Variants in EYS observed in about 807,000 individuals in gnomAD.
The protein encoded by EYS is protein eyes shut homolog.
Under a neutral mutation model 282.1 loss-of-function variants are expected in EYS, and 250 were observed. The ratio of observed to expected loss-of-function variants is 0.89; its 90% CI spans 0.80 to 0.98. The LOEUF (loss-of-function observed/expected upper bound fraction) is 0.98, where lower values mean the gene tolerates loss of function less well. Among genes scored for constraint, EYS ranks in the 50% least tolerant of loss-of-function variants. EYS has a pLI of 0.00. For missense variants in EYS, 4,016 were observed against 3,709.0 expected, an observed-to-expected ratio of 1.08 and a Z score of -2.15; for synonymous variants, 1,355 against 1,282.9, an observed-to-expected ratio of 1.06 and a Z score of -1.20.
chr6:65,004,050 T>C (rs1342363524), intron 13 of EYS, among the ~76,000 whole-genome samples: 1 of 147,348 alleles, frequency 6.8e-6, no homozygotes, highest in Non-Finnish European at 1.5e-5. Flanking sequence ...TTTTTAGGAA[T>C]ATAAATTTCA....
intron 12 of EYS, among the ~76,000 whole-genome samples, chr6:65,215,904 A>G (rs542502437): frequency 6.6e-5 from 10 of 152,326 alleles, no homozygotes; most frequent in African/African-American, 1.7e-4. Flanking sequence ...TAAGCTATAC[A>G]TACTGTTTTT....
chr6:65,020,523 T>C (rs534606700), intron 13 of EYS, among the ~76,000 whole-genome samples: 2 of 152,264 alleles, frequency 1.3e-5, no homozygotes, highest in African/African-American at 4.8e-5. Context: ...AGGGTACGGC[T>C]CTCGATCCTA....
intron 35 of EYS, among the ~76,000 whole-genome samples, chr6:63,967,890 T>A (rs968525417): frequency 2.0e-5 from 3 of 152,194 alleles, no homozygotes; most frequent in Non-Finnish European, 4.4e-5. Context: ...CTCGTATTGG[T>A]ATCTCCTCCC....
intron 12 of EYS, among the ~76,000 whole-genome samples, chr6:65,194,850 G>C (rs1765726906): frequency 7.1e-6 from 1 of 141,248 alleles, no homozygotes; most frequent in Non-Finnish European, 1.6e-5. Context: ...ATGTTTGCCA[G>C]TTGTTTTTTT....
chr6:64,260,184 T>C, intron 30 of EYS, among the ~76,000 whole-genome samples: 1 of 152,140 alleles, frequency 6.6e-6, no homozygotes, highest in East Asian at 1.9e-4. Flanking sequence ...TTTGCTGCAA[T>C]GCAGCTAGGA....
chr6:63,851,591 T>G (rs1407066952), intron 36 of EYS, among the ~76,000 whole-genome samples: 3 of 151,996 alleles, frequency 2.0e-5, no homozygotes, highest in African/African-American at 7.3e-5. Context: ...ATAAAGAAAT[T>G]AAGGCAGAAA....
At chr6:65,350,094 G>A (rs1770543728) in intron 9 of EYS, among the ~76,000 whole-genome samples, 1 of 151,260 alleles carries the variant, frequency 6.6e-6, no homozygotes, top group South Asian at 2.1e-4. Flanking sequence ...CTTACTATAA[G>A]TGATATGAAT....
intron 11 of EYS, among the ~76,000 whole-genome samples, chr6:65,317,714 C>T (rs111855875): frequency 0.014 from 2,080 of 151,750 alleles, 60 homozygotes; most frequent in African/African-American, 0.048. Context: ...CTGTTAAGCT[C>T]ACTCACTTGG....
intron 26 of EYS, among the ~76,000 whole-genome samples, chr6:64,489,153 A>G (rs1049137551): frequency 1.3e-5 from 2 of 150,834 alleles, no homozygotes; most frequent in Admixed American, 1.3e-4. Context: ...TTTTATGGAG[A>G]GATTTATTAG....
chr6:64,505,180 G>A lies in EYS; in HGVS notation c.5645-65828C>T, dbSNP rs998116087. Among the ~76,000 whole-genome samples, 4 of 152,094 alleles carry A rather than the reference G, an allele frequency of 2.6e-5. No individual in the cohort carries two copies. In the South Asian group the frequency reaches 8.3e-4, roughly 31 times the overall value. On this transcript the variant is annotated intron_variant, in intron 26 of 42. Transcript: ENST00000503581. ...ATATTTTACCATTGATTCCTCTTTT[G>A]GATATTGACATTCCCATAACTTTTT...
intron 26 of EYS, among the ~76,000 whole-genome samples, chr6:64,455,083 T>TTGTG (rs1265896770): frequency 6.6e-6 from 1 of 152,068 alleles, no homozygotes; most frequent in Non-Finnish European, 1.5e-5. Context: ...ATTTATTTAT[T>TTGTG]TGTGTGTGTG....
chr6:64,272,982 T>A (rs1767992317), intron 30 of EYS, among the ~76,000 whole-genome samples: 1 of 152,148 alleles, frequency 6.6e-6, no homozygotes. Context: ...TCCCTTAATG[T>A]TTTTGTATTT....
chr6:64,648,605 T>A (rs184303697), intron 22 of EYS, among the ~76,000 whole-genome samples: 3 of 152,190 alleles, frequency 2.0e-5, no homozygotes, highest in African/African-American at 7.2e-5. Context: ...ATAATCTGAG[T>A]CAAATCATGT....
At chr6:65,229,354 G>A (rs1766710264) in intron 12 of EYS, among the ~76,000 whole-genome samples, 2 of 152,034 alleles carry the variant, frequency 1.3e-5, no homozygotes, top group South Asian at 2.1e-4. Context: ...GAGATTTATA[G>A]GGAGACAGCA....
At chr6:65,216,309 A>G (rs1018982056) in intron 12 of EYS, among the ~76,000 whole-genome samples, 9 of 152,062 alleles carry the variant, frequency 5.9e-5, no homozygotes, top group African/African-American at 2.2e-4. Flanking sequence ...ACACGTCTAT[A>G]TGACTAATGT....
intron 22 of EYS, among the ~76,000 whole-genome samples, chr6:64,798,167 C>A (rs1199601290): frequency 6.6e-6 from 1 of 151,766 alleles, no homozygotes; most frequent in Non-Finnish European, 1.5e-5. Flanking sequence ...TAGTGTTTAA[C>A]TTGGAATGAT....
At chr6:64,708,622 GA>G (rs998900527) in intron 22 of EYS, among the ~76,000 whole-genome samples, 20 of 151,022 alleles carry the variant, frequency 1.3e-4, no homozygotes, top group South Asian at 1.3e-3. Flanking sequence ...AGCTATTTGG[GA>G]AAAAAAAAGT....
At chr6:65,632,139 A>G (rs1766936004) in intron 2 of EYS, among the ~76,000 whole-genome samples, 1 of 152,218 alleles carries the variant, frequency 6.6e-6, no homozygotes, top group South Asian at 2.1e-4. Flanking sequence ...TTCTATGGAC[A>G]GAACCAATAA....
chr6:64,577,396 C>G lies in EYS; in HGVS notation c.5644+12827G>C, dbSNP rs114195054. On this transcript the variant is annotated intron_variant, in intron 26 of 42. Coordinates refer to ENST00000503581, the MANE Select transcript of EYS (RefSeq NM_001142800.2). ...ATTTTATTTTATAGTTCTGTATTTT[C>G]TAATCATTACCTCTGCTCTCTCTCT... 2.5e-3 allele frequency among the ~76,000 whole-genome samples: 382 copies of G among 152,030 alleles called. 4 individuals carry two copies. The highest frequency in any genetic ancestry group is 8.5e-3 in the African/African-American group (354 of 41,494).
Sources: gnomAD v4.1 joint callset for allele counts (sites outside exome capture counted in the v4.1 genomes callset) on GRCh38, gnomAD v4.1.1 for gene constraint, MANE v1.5 for transcripts, NCBI Gene and HGNC (gene_info 2026-07-23, HGNC 2026-07-21) for gene names.